Variants in AMD1 observed in about 807,000 individuals in gnomAD.
AMD1 encodes the protein adenosylmethionine decarboxylase 1, also known as S-adenosylmethionine decarboxylase proenzyme.
In AMD1, 11 loss-of-function variants were observed where a neutral mutation model predicts 40.2. That is an observed-to-expected ratio of 0.27 (90% CI 0.17 to 0.45). The LOEUF (loss-of-function observed/expected upper bound fraction) is 0.45. Among genes scored for constraint, AMD1 ranks in the 20% least tolerant of loss-of-function variants. AMD1 has a pLI of 1.00. For synonymous variants in AMD1, 121 were observed against 130.8 expected, an observed-to-expected ratio of 0.93 and a Z score of 0.51; for missense variants, 257 against 410.2, an observed-to-expected ratio of 0.63 and a Z score of 3.23.
At chr6:110,858,450 C>T in the AMD1 span, 2 of 1,054,986 alleles carry the variant, frequency 1.9e-6, no homozygotes, top group Non-Finnish European at 3.0e-6. Flanking sequence ...CAGCCGGGCT[C>T]AGTCCTCAAG....
At chr6:110,836,162 T>C in the AMD1 span, among the ~76,000 whole-genome samples, 4 of 152,000 alleles carry the variant, frequency 2.6e-5, no homozygotes, top group South Asian at 6.2e-4. Flanking sequence ...TACAAAAATA[T>C]CCCTTTTGAC....
chr6:110,892,046 T>G, intron 4 of AMD1, 115 bp from the exon 5 acceptor site: 56 of 1,229,890 alleles, frequency 4.6e-5, no homozygotes, highest in Non-Finnish European at 6.4e-5. Context: ...CACTGATGGA[T>G]GACATTTCTA....
the AMD1 span, among the ~76,000 whole-genome samples, chr6:110,855,080 T>TTTTTTTC: frequency 6.8e-6 from 1 of 146,016 alleles, no homozygotes; most frequent in South Asian, 2.2e-4. Flanking sequence ...TTTTTTTTTT[T>TTTTTTTC]TTTTTTTTTG....
At chr6:110,865,404 T>A in the AMD1 span, among the ~76,000 whole-genome samples, 1 of 152,214 alleles carries the variant, frequency 6.6e-6, no homozygotes, top group Non-Finnish European at 1.5e-5. Flanking sequence ...TTTTTTTTGT[T>A]TGTTTATTTT....
intron 1 of AMD1, among the ~76,000 whole-genome samples, chr6:110,882,382 T>C (rs1176512447): frequency 2.0e-5 from 3 of 152,232 alleles, no homozygotes; most frequent in African/African-American, 7.2e-5. Flanking sequence ...GACAGTCTGT[T>C]GCAATTACTC....
chr6:110,893,656 G>A lies in AMD1; in HGVS notation c.*40G>A, dbSNP rs1786162345. ...GAAAAAACGCAAAAAGAGAACACAT[G>A]TAGAAGGTGGTGGATGCTTTCTAGA... On this transcript the variant is annotated 3_prime_UTR_variant, in exon 9 of 9. Coordinates refer to ENST00000368885, the MANE Select transcript of AMD1 (RefSeq NM_001634.6). 6.3e-7 allele frequency: 1 copy of A among 1,599,162 alleles called. No individual in the cohort carries two copies. Among genetic ancestry groups the A allele is most frequent in the Non-Finnish European group, 8.5e-7 (1 of 1,176,460 alleles).
the AMD1 span, among the ~76,000 whole-genome samples, chr6:110,839,604 G>C: frequency 2.0e-5 from 3 of 152,190 alleles, no homozygotes; most frequent in African/African-American, 7.2e-5. Flanking sequence ...CTGGGGAACA[G>C]AGTGAGCCTC....
rs1554238012 is a variant in AMD1, at chr6:110,892,728, C to CCA, written c.616-6_616-5insAC. ...CCTTGTTAAACTCGGTCTTTTTCCC[C>CCA]CCCCAGGAGAGTGGAATTCGTGACC... On this transcript the variant is annotated splice_region_variant and splice_polypyrimidine_tract_variant and intron_variant, in intron 6 of 8. Transcript: ENST00000368885. The CCA allele has an allele frequency of 5.6e-6, 9 of 1,608,016 alleles. No individual in the cohort carries two copies. The Admixed American group carries it at 1.3e-4, about 24-fold the overall frequency.
chr6:110,850,380 C>T, the AMD1 span, among the ~76,000 whole-genome samples: 1 of 152,160 alleles, frequency 6.6e-6, no homozygotes, highest in Non-Finnish European at 1.5e-5. Flanking sequence ...TCCCTTGACC[C>T]TCCCTTGCCG....
At chr6:110,814,945 T>G in the AMD1 span, 1 of 1,586,898 alleles carries the variant, frequency 6.3e-7, no homozygotes, top group Non-Finnish European at 8.6e-7. Context: ...GACCCACCCA[T>G]CCCGCCAGGT....
At chr6:110,869,431 C>T in the AMD1 span, among the ~76,000 whole-genome samples, 1 of 152,000 alleles carries the variant, frequency 6.6e-6, no homozygotes, top group Non-Finnish European at 1.5e-5. Flanking sequence ...CGCGCCCAGC[C>T]CATTACTTTA....
At chr6:110,862,036 T>TTTTTC in the AMD1 span, among the ~76,000 whole-genome samples, 2 of 145,876 alleles carry the variant, frequency 1.4e-5, no homozygotes, top group African/African-American at 5.1e-5. Context: ...TTTTTTTTTT[T>TTTTTC]CGAGATGGAG....
the AMD1 span, among the ~76,000 whole-genome samples, chr6:110,844,096 C>G: frequency 4.0e-5 from 6 of 151,834 alleles, no homozygotes; most frequent in Admixed American, 3.9e-4. Flanking sequence ...AGCAGTAATC[C>G]ACCTATACAA....
At chr6:110,859,023 C>G in the AMD1 span, 3 of 1,212,448 alleles carry the variant, frequency 2.5e-6, no homozygotes, top group Non-Finnish European at 3.7e-6. Flanking sequence ...TGGCCTGGGC[C>G]GGCAGATACA....
At chr6:110,844,598 G>A in the AMD1 span, among the ~76,000 whole-genome samples, 1 of 151,836 alleles carries the variant, frequency 6.6e-6, no homozygotes, top group African/African-American at 2.4e-5. Flanking sequence ...TGGCTAACAC[G>A]GTGAAACCCC....
chr6:110,892,096 G>GT, intron 4 of AMD1, 65 bp from the exon 5 acceptor site: 2 of 1,531,912 alleles, frequency 1.3e-6, no homozygotes, highest in Admixed American at 3.4e-5. Flanking sequence ...TTGTGGAAGG[G>GT]TAGTAACAAA....
chr6:110,888,686 T>C (rs1785841193), intron 2 of AMD1, 171 bp from the exon 3 acceptor site: 2 of 521,732 alleles, frequency 3.8e-6, no homozygotes. Flanking sequence ...TGCCAAGCCC[T>C]GGGGATGTTT....
chr6:110,837,395 T>C, the AMD1 span, among the ~76,000 whole-genome samples: 1 of 151,666 alleles, frequency 6.6e-6, no homozygotes, highest in African/African-American at 2.4e-5. Flanking sequence ...GCAGAAGTTT[T>C]ACCAGGTTCA....
chr6:110,837,288 G>A, the AMD1 span, among the ~76,000 whole-genome samples: 1 of 139,638 alleles, frequency 7.2e-6, no homozygotes, highest in Non-Finnish European at 1.5e-5. Flanking sequence ...GGGCAACATA[G>A]AGTCCCATCT....
Sources: gnomAD v4.1 joint callset for allele counts (sites outside exome capture counted in the v4.1 genomes callset) on GRCh38, gnomAD v4.1.1 for gene constraint, MANE v1.5 for transcripts, NCBI Gene and HGNC (gene_info 2026-07-23, HGNC 2026-07-21) for gene names.